FLI1: variants seen among roughly 807,000 people sequenced by gnomAD.
The protein encoded by FLI1 is Fli-1 proto-oncogene, ETS transcription factor.
In FLI1, 13 loss-of-function variants were observed where a neutral mutation model predicts 53.1. That is an observed-to-expected ratio of 0.24 (90% CI 0.16 to 0.39). The LOEUF (loss-of-function observed/expected upper bound fraction) is 0.39, where lower values mean the gene tolerates loss of function less well. Among genes scored for constraint, FLI1 ranks in the 10% least tolerant of loss-of-function variants. The probability of loss-of-function intolerance (pLI) is 1.00; values close to 1 mark genes in which losing one functional copy is unlikely to be tolerated. For missense variants in FLI1, 424 were observed against 600.5 expected (o/e 0.71, Z 3.07); for synonymous variants, 244 against 236.7 (o/e 1.03, Z -0.28).
intron 7 of FLI1, among the ~76,000 whole-genome samples, chr11:128,808,303 A>G (rs1942838886): frequency 6.6e-6 from 1 of 152,224 alleles, no homozygotes; most frequent in Non-Finnish European, 1.5e-5. Context: ...CTGCAATTAT[A>G]GTTGAAAAAT....
At chr11:128,798,582 G>A (rs1367306778) in intron 5 of FLI1, among the ~76,000 whole-genome samples, 1 of 152,156 alleles carries the variant, frequency 6.6e-6, no homozygotes, top group African/African-American at 2.4e-5. Context: ...TCAGCTCCGA[G>A]GCAGAGGGGC....
At chr11:128,807,355 CA>C in intron 7 of FLI1, 116 bp downstream of exon 7, 1 of 616,598 alleles carries the variant, frequency 1.6e-6, no homozygotes, top group Non-Finnish European at 2.7e-6. Context: ...TTATTTCTCT[CA>C]AAGAGGGTCT....
At chr11:128,688,548 T>C (rs1417460889) in intron 1 of FLI1, among the ~76,000 whole-genome samples, 3 of 152,128 alleles carry the variant, frequency 2.0e-5, no homozygotes, top group Admixed American at 6.5e-5. Context: ...TCAGGAGTTG[T>C]TGACAAACAC....
intron 1 of FLI1, among the ~76,000 whole-genome samples, chr11:128,728,065 G>T (rs1000277206): frequency 3.3e-5 from 5 of 152,318 alleles, no homozygotes; most frequent in Non-Finnish European, 5.9e-5. Context: ...AACACAAAAC[G>T]TGGCCCTCTC....
At chr11:128,793,481 C>T (rs1307104278) in intron 5 of FLI1, among the ~76,000 whole-genome samples, 2 of 152,168 alleles carry the variant, frequency 1.3e-5, no homozygotes, top group African/African-American at 2.4e-5. Flanking sequence ...CCCACCCCTG[C>T]CCTGCCCCAG....
chr11:128,771,001 A>C (rs1280769332), intron 3 of FLI1, among the ~76,000 whole-genome samples: 1 of 152,224 alleles, frequency 6.6e-6, no homozygotes, highest in Non-Finnish European at 1.5e-5. Flanking sequence ...GGGGGAACCC[A>C]CCTCTTCAGC....
chr11:128,784,262 C>CCTT (rs1462068772), intron 5 of FLI1, among the ~76,000 whole-genome samples: 1 of 111,610 alleles, frequency 9.0e-6, no homozygotes, highest in Non-Finnish European at 1.8e-5. Context: ...TCCTCCTCCT[C>CCTT]CTCCTCCTGC....
intron 1 of FLI1, among the ~76,000 whole-genome samples, chr11:128,697,931 C>T (rs1200308744): frequency 1.3e-5 from 2 of 152,072 alleles, no homozygotes; most frequent in East Asian, 1.9e-4. Context: ...AACAATAACG[C>T]AGGTTAGGGA....
chr11:128,800,043 G>A (rs543009747), intron 5 of FLI1, among the ~76,000 whole-genome samples: 6 of 152,274 alleles, frequency 3.9e-5, no homozygotes, highest in African/African-American at 1.2e-4. Context: ...CTTCCTCCTC[G>A]TGGGCTTGGC....
At chr11:128,776,875 A>C (rs568358824) in intron 4 of FLI1, among the ~76,000 whole-genome samples, 1 of 150,966 alleles carries the variant, frequency 6.6e-6, no homozygotes, top group Admixed American at 6.5e-5. Flanking sequence ...CCACACAGGC[A>C]AGGCAGCCTC....
intron 4 of FLI1, among the ~76,000 whole-genome samples, chr11:128,773,538 T>A (rs1326585772): frequency 6.6e-6 from 1 of 151,226 alleles, no homozygotes; most frequent in African/African-American, 2.4e-5. Flanking sequence ...ATTGGAGGCT[T>A]TCTTCTGGTA....
At chr11:128,788,747 A>G (rs592491) in intron 5 of FLI1, among the ~76,000 whole-genome samples, 35,968 of 152,090 alleles carry the variant, frequency 0.24, 5,029 homozygotes, top group Non-Finnish European at 0.32. Flanking sequence ...GTAGGCAGAT[A>G]TTATAGATAC....
chr11:128,803,212 C>T (rs372301853), intron 5 of FLI1, among the ~76,000 whole-genome samples: 5 of 151,734 alleles, frequency 3.3e-5, no homozygotes, highest in African/African-American at 7.3e-5. Flanking sequence ...TCTCCTTCCC[C>T]CAGGCCCTCA....
chr11:128,691,247 C>A (rs1937728148), upstream of FLI1, among the ~76,000 whole-genome samples: 3 of 152,174 alleles, frequency 2.0e-5, no homozygotes, highest in South Asian at 6.2e-4. Flanking sequence ...ACAGGGTAGA[C>A]TTGTTTACTA....
chr11:128,762,682 G>T lies in FLI1; in HGVS notation c.230+4356G>T, dbSNP rs60757545. 1.2e-3 allele frequency among the ~76,000 whole-genome samples: 179 copies of T among 152,334 alleles called. 2 individuals carry two copies. Among genetic ancestry groups the T allele is most frequent in the African/African-American group, 4.2e-3 (175 of 41,560 alleles). On this transcript the variant is annotated intron_variant, in intron 2 of 8. Transcript: ENST00000527786. ...ATTTAAAATTATGTAGCTCGGCCAGGTGTGGTGGCTCATGCCTGTAATCCC... is the reference window on the plus strand; with the variant it reads ...ATTTAAAATTATGTAGCTCGGCCAGTTGTGGTGGCTCATGCCTGTAATCCC...
intron 1 of FLI1, among the ~76,000 whole-genome samples, chr11:128,698,709 TGC>T (rs1252797001): frequency 2.9e-5 from 3 of 103,056 alleles, no homozygotes; most frequent in East Asian, 2.6e-4. Context: ...TGTATGTGTT[TGC>T]GTGTGTGTGT....
rs533991408 is a variant in FLI1, at chr11:128,772,995, G to A, written c.589+10G>A. 51 of 1,611,668 alleles carry A rather than the reference G, an allele frequency of 3.2e-5. No homozygotes were observed. The Middle Eastern group carries it at 8.3e-4, about 26-fold the overall frequency. On this transcript the variant is annotated intron_variant, in intron 4 of 8. Coordinates refer to ENST00000527786, the MANE Select transcript of FLI1 (RefSeq NM_002017.5). ...AGTTACCTCAGGGAAAGTAAGTGCCGCCCAAGTACCCAGGGCTGGGAGGAA... is the reference window on the plus strand; with the variant it reads ...AGTTACCTCAGGGAAAGTAAGTGCCACCCAAGTACCCAGGGCTGGGAGGAA...
upstream of FLI1, among the ~76,000 whole-genome samples, chr11:128,689,450 G>A (rs1422051103): frequency 6.6e-6 from 1 of 152,160 alleles, no homozygotes; most frequent in Non-Finnish European, 1.5e-5. Flanking sequence ...TTATCAGCCT[G>A]AGGATTGGGC....
chr11:128,748,652 A>G (rs1360343279), intron 1 of FLI1, among the ~76,000 whole-genome samples: 1 of 151,980 alleles, frequency 6.6e-6, no homozygotes, highest in Non-Finnish European at 1.5e-5. Flanking sequence ...AAAGAAAGAA[A>G]GAAAAGAAAA....
Sources: gnomAD v4.1 joint callset for allele counts (sites outside exome capture counted in the v4.1 genomes callset) on GRCh38, gnomAD v4.1.1 for gene constraint, MANE v1.5 for transcripts, NCBI Gene and HGNC (gene_info 2026-07-23, HGNC 2026-07-21) for gene names.